Variants in PCBP3 observed in about 807,000 individuals in gnomAD.
The protein encoded by PCBP3 is poly(rC) binding protein 3, also known as poly(rC)-binding protein 3.
Under a neutral mutation model 52.7 loss-of-function variants are expected in PCBP3, and 25 were observed. The observed-to-expected ratio is 0.47, with a 90% CI of 0.35 to 0.66. PCBP3 has a LOEUF of 0.66. PCBP3 is among the 30% of genes least tolerant of loss of function. The probability of loss-of-function intolerance (pLI) is 0.01; values close to 1 mark genes in which losing one functional copy is unlikely to be tolerated. For synonymous variants in PCBP3, 162 were observed against 183.0 expected (o/e 0.89, Z 0.93); for missense variants, 391 against 490.3 (o/e 0.80, Z 1.91).
intron 13 of PCBP3, among the ~76,000 whole-genome samples, chr21:45,929,326 C>A (rs1037332831): frequency 1.3e-5 from 2 of 152,158 alleles, no homozygotes; most frequent in African/African-American, 4.8e-5. Context: ...AAAGGCAAGA[C>A]GCTTCTGGAG....
intron 4 of PCBP3, among the ~76,000 whole-genome samples, chr21:45,835,023 C>T (rs1241355198): frequency 1.3e-5 from 2 of 152,232 alleles, no homozygotes; most frequent in African/African-American, 2.4e-5. Context: ...CTTGGGAGGC[C>T]GGTTCGCGAA....
intron 4 of PCBP3, among the ~76,000 whole-genome samples, chr21:45,807,420 A>G (rs895409491): frequency 3.3e-5 from 5 of 152,218 alleles, no homozygotes; most frequent in Admixed American, 1.3e-4. Context: ...ATCATGAGTG[A>G]ACTCCCATTC....
chr21:45,826,793 A>G (rs529821815), intron 4 of PCBP3, among the ~76,000 whole-genome samples: 120 of 152,316 alleles, frequency 7.9e-4, no homozygotes, highest in African/African-American at 2.8e-3. Context: ...TAAAATTCTA[A>G]CAAACTCTGT....
intron 4 of PCBP3, among the ~76,000 whole-genome samples, chr21:45,838,320 T>C (rs2093633028): frequency 6.6e-6 from 1 of 152,212 alleles, no homozygotes; most frequent in Non-Finnish European, 1.5e-5. Context: ...TTCTGTCGTA[T>C]GTGTTCCCAC....
chr21:45,796,164 T>C (rs2091911884), intron 4 of PCBP3, among the ~76,000 whole-genome samples: 1 of 152,164 alleles, frequency 6.6e-6, no homozygotes, highest in Non-Finnish European at 1.5e-5. Flanking sequence ...ACCATGCTGG[T>C]GTACAGAAAC....
rs1337504530 is a variant in PCBP3 at position 45,805,986 on chromosome 21, G to A, written c.-125-43975G>A. 2.6e-5 allele frequency among the ~76,000 whole-genome samples: 4 copies of A among 152,216 alleles called. No individual in the cohort carries two copies. The highest frequency in any genetic ancestry group is 9.7e-5 in the African/African-American group (4 of 41,444). On this transcript the variant is annotated intron_variant, in intron 4 of 17. Coordinates refer to ENST00000681687, the MANE Select transcript of PCBP3 (RefSeq NM_001384156.1). The surrounding 1 kb of genome is among the most constrained non-coding windows in gnomAD (Gnocchi z 4.6). Reference sequence around the variant, plus strand: ...TGAGAAGATGGAGGAGCCTCCTTGTGCTGCTGTGTCTCAGCATTAGAGAGG... The same window carrying A: ...TGAGAAGATGGAGGAGCCTCCTTGTACTGCTGTGTCTCAGCATTAGAGAGG...
chr21:45,689,220 A>G (rs1056627378), intron 2 of PCBP3, among the ~76,000 whole-genome samples: 1 of 152,112 alleles, frequency 6.6e-6, no homozygotes, highest in African/African-American at 2.4e-5. Flanking sequence ...AATCAAACTC[A>G]GGAAGATAGG....
intron 1 of PCBP3, among the ~76,000 whole-genome samples, chr21:45,650,939 TC>T (rs2146825923): frequency 6.6e-6 from 1 of 152,240 alleles, no homozygotes; most frequent in East Asian, 1.9e-4. Context: ...AGAATCTTCC[TC>T]ATCCTGGAAG....
At chr21:45,874,567 G>A (rs1318579120) in intron 5 of PCBP3, among the ~76,000 whole-genome samples, 6 of 149,524 alleles carry the variant, frequency 4.0e-5, no homozygotes, top group East Asian at 2.0e-4. Context: ...GTGCAGTGGC[G>A]CGATCTCGGC....
chr21:45,785,631 T>C (rs2091088400), intron 4 of PCBP3, among the ~76,000 whole-genome samples: 2 of 150,976 alleles, frequency 1.3e-5, no homozygotes, highest in Non-Finnish European at 1.5e-5. Flanking sequence ...GTCTGGGAGG[T>C]GTACCCAACA....
intron 1 of PCBP3, among the ~76,000 whole-genome samples, chr21:45,665,888 C>G (rs557054949): frequency 6.6e-6 from 1 of 152,056 alleles, no homozygotes; most frequent in Non-Finnish European, 1.5e-5. Flanking sequence ...TACTAGCAAT[C>G]GAAATCCAAC....
intron 4 of PCBP3, among the ~76,000 whole-genome samples, chr21:45,798,556 A>G (rs1277579257): frequency 6.6e-6 from 1 of 152,278 alleles, no homozygotes; most frequent in African/African-American, 2.4e-5. Context: ...GGATGAATGC[A>G]TGGATCCATA....
At chr21:45,937,653 G>A (rs2077018345) in intron 16 of PCBP3, among the ~76,000 whole-genome samples, 1 of 152,214 alleles carries the variant, frequency 6.6e-6, no homozygotes, top group Admixed American at 6.5e-5. Context: ...GCACACAAGG[G>A]TGAGGAGAGA....
At chr21:45,937,802 T>C (rs2077038948) in intron 16 of PCBP3, among the ~76,000 whole-genome samples, 1 of 151,932 alleles carries the variant, frequency 6.6e-6, no homozygotes, top group Admixed American at 6.6e-5. Flanking sequence ...GCAGGGCAGG[T>C]GAAGGAGGTC....
chr21:45,657,120 C>A (rs2080074292), intron 1 of PCBP3, among the ~76,000 whole-genome samples: 1 of 152,152 alleles, frequency 6.6e-6, no homozygotes, highest in Non-Finnish European at 1.5e-5. Context: ...CGTGCCCAGC[C>A]TCATTTTCTT....
At chr21:45,911,332 T>A (rs567130395) in intron 11 of PCBP3, 2 of 389,910 alleles carry the variant, frequency 5.1e-6, no homozygotes, top group Non-Finnish European at 9.9e-6. Flanking sequence ...CACTGAGGGG[T>A]CTTCTGCACT....
intron 4 of PCBP3, among the ~76,000 whole-genome samples, chr21:45,792,359 G>T (rs1347928652): frequency 2.6e-5 from 4 of 152,236 alleles, no homozygotes; most frequent in African/African-American, 9.6e-5. Context: ...CCAGCGTCTG[G>T]CAGTGATGAA....
intron 4 of PCBP3, among the ~76,000 whole-genome samples, chr21:45,777,750 G>C (rs1195040316): frequency 1.3e-5 from 2 of 151,660 alleles, no homozygotes; most frequent in Non-Finnish European, 2.9e-5. Context: ...TTCAGTTCTA[G>C]AATTTGTTTT....
At chr21:45,875,854 G>A (rs969304283) in intron 5 of PCBP3, among the ~76,000 whole-genome samples, 13 of 152,168 alleles carry the variant, frequency 8.5e-5, no homozygotes, top group African/African-American at 2.7e-4. Context: ...TGAGGGCGAG[G>A]TGGGATCCGA....
Sources: gnomAD v4.1 joint callset for allele counts (sites outside exome capture counted in the v4.1 genomes callset) on GRCh38, gnomAD v4.1.1 for gene constraint, Gnocchi (gnomAD v3.1) non-coding constraint, MANE v1.5 for transcripts, NCBI Gene and HGNC (gene_info 2026-07-23, HGNC 2026-07-21) for gene names.